SH3RF1: variants seen among roughly 807,000 people sequenced by gnomAD.
SH3RF1 encodes E3 ubiquitin-protein ligase SH3RF1.
In SH3RF1, 32 loss-of-function variants were observed where a neutral mutation model predicts 74.0. That is an observed-to-expected ratio of 0.43 (90% CI 0.33 to 0.58). The LOEUF (loss-of-function observed/expected upper bound fraction) is 0.58. Among genes scored for constraint, SH3RF1 ranks in the 20% least tolerant of loss-of-function variants. The pLI is 0.05. For synonymous variants in SH3RF1, 396 were observed against 439.6 expected, an observed-to-expected ratio of 0.90 and a Z score of 1.24; for missense variants, 954 against 1,130.9, an observed-to-expected ratio of 0.84 and a Z score of 2.24.
At chr4:169,255,439 AAAT>A (rs1302230289) in intron 2 of SH3RF1, among the ~76,000 whole-genome samples, 1 of 152,178 alleles carries the variant, frequency 6.6e-6, no homozygotes, top group African/African-American at 2.4e-5. Flanking sequence ...AGCTATTAAA[AAAT>A]AACCAAAACA....
At chr4:169,111,083 G>A (rs1733236452) in intron 10 of SH3RF1, among the ~76,000 whole-genome samples, 1 of 151,716 alleles carries the variant, frequency 6.6e-6, no homozygotes, top group Non-Finnish European at 1.5e-5. Context: ...CGAGGCAGGG[G>A]GATCACTTGA....
intron 2 of SH3RF1, among the ~76,000 whole-genome samples, chr4:169,233,264 A>C (rs1027304862): frequency 9.9e-5 from 15 of 151,540 alleles, no homozygotes; most frequent in African/African-American, 2.4e-4. Flanking sequence ...AAAAAAAAAA[A>C]AAAAAAAAAC....
At chr4:169,180,698 CTG>C (rs1012470083) in intron 2 of SH3RF1, among the ~76,000 whole-genome samples, 3 of 152,086 alleles carry the variant, frequency 2.0e-5, no homozygotes, top group Non-Finnish European at 2.9e-5. Flanking sequence ...TTCATAGACA[CTG>C]TGAAATCGTT....
intron 6 of SH3RF1, among the ~76,000 whole-genome samples, chr4:169,125,974 A>G (rs1733517720): frequency 1.3e-5 from 2 of 152,242 alleles, no homozygotes; most frequent in South Asian, 4.1e-4. Flanking sequence ...AGAGATATGT[A>G]TATCAGTTAA....
intron 2 of SH3RF1, among the ~76,000 whole-genome samples, chr4:169,239,284 TA>T (rs1484568770): frequency 7.2e-5 from 11 of 152,008 alleles, no homozygotes; most frequent in African/African-American, 2.2e-4. Context: ...ATATCTCTAT[TA>T]AAACATGAAA....
chr4:169,265,791 T>G (rs1211033968), intron 2 of SH3RF1, among the ~76,000 whole-genome samples: 1 of 152,182 alleles, frequency 6.6e-6, no homozygotes. Flanking sequence ...AAGAGAATAT[T>G]AAAGAGAAGT....
intron 2 of SH3RF1, among the ~76,000 whole-genome samples, chr4:169,215,854 G>A (rs145003717): frequency 7.2e-4 from 110 of 151,762 alleles, no homozygotes; most frequent in African/African-American, 2.5e-3. Flanking sequence ...CACAGGCTGG[G>A]GTGCAGTGGT....
chr4:169,119,080 T>A (rs1733393037), intron 8 of SH3RF1, among the ~76,000 whole-genome samples: 1 of 152,064 alleles, frequency 6.6e-6, no homozygotes, highest in Non-Finnish European at 1.5e-5. Context: ...TAAGCACATA[T>A]TCCTCTAGAG....
intron 4 of SH3RF1, among the ~76,000 whole-genome samples, chr4:169,136,972 G>A (rs960937134): frequency 6.6e-6 from 1 of 152,152 alleles, no homozygotes; most frequent in Non-Finnish European, 1.5e-5. Flanking sequence ...AATCAAAATG[G>A]TGTATTTATC....
chr4:169,172,530 T>A (rs1351555379), intron 2 of SH3RF1, among the ~76,000 whole-genome samples: 1 of 152,222 alleles, frequency 6.6e-6, no homozygotes, highest in Non-Finnish European at 1.5e-5. Context: ...TATAGTTGTA[T>A]TATGTTAGGT....
At chr4:169,229,677 C>T (rs1730703664) in intron 2 of SH3RF1, among the ~76,000 whole-genome samples, 1 of 152,110 alleles carries the variant, frequency 6.6e-6, no homozygotes, top group Non-Finnish European at 1.5e-5. Flanking sequence ...TAATGTAGAG[C>T]ATATCTCCAC....
chr4:169,162,158 G>GA (rs915703247), intron 2 of SH3RF1, among the ~76,000 whole-genome samples: 3 of 150,818 alleles, frequency 2.0e-5, no homozygotes, highest in Non-Finnish European at 3.0e-5. Context: ...CTCCGTCTCA[G>GA]AAAAAAAAGT....
intron 2 of SH3RF1, among the ~76,000 whole-genome samples, chr4:169,205,683 G>C (rs1317299659): frequency 6.6e-6 from 1 of 152,142 alleles, no homozygotes; most frequent in Admixed American, 6.5e-5. Context: ...AATGACGTTA[G>C]CAGGACTAAT....
intron 4 of SH3RF1, among the ~76,000 whole-genome samples, chr4:169,148,748 T>G (rs543251884): frequency 1.3e-5 from 2 of 152,280 alleles, no homozygotes; most frequent in South Asian, 4.1e-4. Context: ...TCATAGAATT[T>G]GTTTTGTTGC....
At chr4:169,118,224 C>A (rs1733369942) in intron 8 of SH3RF1, among the ~76,000 whole-genome samples, 1 of 152,174 alleles carries the variant, frequency 6.6e-6, no homozygotes, top group Non-Finnish European at 1.5e-5. Context: ...CATGCATGCA[C>A]ACACATACAC....
chr4:169,186,035 TG>T (rs1734596598), intron 2 of SH3RF1, among the ~76,000 whole-genome samples: 1 of 152,068 alleles, frequency 6.6e-6, no homozygotes, highest in South Asian at 2.1e-4. Context: ...CCAAAATACA[TG>T]TGATGGGGAC....
chr4:169,218,198 TATA>T (rs1256776692), intron 2 of SH3RF1, among the ~76,000 whole-genome samples: 4 of 142,066 alleles, frequency 2.8e-5, no homozygotes, highest in Non-Finnish European at 6.0e-5. Context: ...TATATGTAAA[TATA>T]ATATAATATA....
chr4:169,258,348 C>T (rs541939118), intron 2 of SH3RF1, among the ~76,000 whole-genome samples: 8 of 152,344 alleles, frequency 5.3e-5, no homozygotes, highest in Admixed American at 5.2e-4. Context: ...CAAGCTGTCA[C>T]ACTTTGGGGC....
At chr4:169,103,871 T>C (rs894882527) in intron 11 of SH3RF1, among the ~76,000 whole-genome samples, 1 of 152,178 alleles carries the variant, frequency 6.6e-6, no homozygotes, top group Non-Finnish European at 1.5e-5. Flanking sequence ...CTTTCCCACT[T>C]GTAAAAATTT....
Sources: gnomAD v4.1 joint callset for allele counts (sites outside exome capture counted in the v4.1 genomes callset) on GRCh38, gnomAD v4.1.1 for gene constraint, MANE v1.5 for transcripts, NCBI Gene and HGNC (gene_info 2026-07-23, HGNC 2026-07-21) for gene names.